Variants in IHO1 observed in about 807,000 individuals in gnomAD.
The protein encoded by IHO1 is interactor of HORMAD1 1, also known as interactor of HORMAD1 protein 1.
Under a neutral mutation model 31.0 loss-of-function variants are expected in IHO1, and 13 were observed. The ratio of observed to expected loss-of-function variants is 0.42; its 90% CI spans 0.27 to 0.67. The LOEUF (loss-of-function observed/expected upper bound fraction) is 0.67, where lower values mean the gene tolerates loss of function less well. Among genes scored for constraint, IHO1 ranks in the 30% least tolerant of loss-of-function variants. The probability of loss-of-function intolerance (pLI) is 0.24; values close to 1 mark genes in which losing one functional copy is unlikely to be tolerated. For missense variants in IHO1, 599 were observed against 687.5 expected, an observed-to-expected ratio of 0.87 and a Z score of 1.44; for synonymous variants, 221 against 248.4, an observed-to-expected ratio of 0.89 and a Z score of 1.04.
chr3:49,236,488 A>G, intron 2 of IHO1, 60 bp from the exon 3 acceptor site: 10 of 1,294,616 alleles, frequency 7.7e-6, no homozygotes, highest in East Asian at 2.3e-5. Context: ...GCTGTGAACT[A>G]TGATTTCATT....
chr3:49,211,638 G>A (rs2046217826), intron 1 of IHO1, 128 bp from the exon 2 acceptor site: 11 of 355,182 alleles, frequency 3.1e-5, no homozygotes, highest in South Asian at 4.2e-5. Flanking sequence ...AAAAAAAACA[G>A]AAATTTTCAC....
chr3:49,248,683 C>T (rs1049644242), intron 6 of IHO1, among the ~76,000 whole-genome samples: 4 of 150,350 alleles, frequency 2.7e-5, no homozygotes, highest in Non-Finnish European at 4.4e-5. Context: ...GCTGAGATTG[C>T]GCCATAGCAC....
intron 1 of IHO1, among the ~76,000 whole-genome samples, chr3:49,206,146 A>G (rs2046133725): frequency 6.6e-6 from 1 of 152,000 alleles, no homozygotes; most frequent in Admixed American, 6.6e-5. Flanking sequence ...TTGTATTTTT[A>G]GTAGAGACGG....
intron 4 of IHO1, 86 bp downstream of exon 4, chr3:49,241,475 T>G (rs1309237800): frequency 1.2e-5 from 16 of 1,313,620 alleles, no homozygotes; most frequent in Non-Finnish European, 1.7e-5. Context: ...ATAATTCAAT[T>G]TTAGCATAAT....
At chr3:49,208,882 T>C (rs1166925183) in intron 1 of IHO1, among the ~76,000 whole-genome samples, 1 of 152,216 alleles carries the variant, frequency 6.6e-6, no homozygotes, top group Non-Finnish European at 1.5e-5. Context: ...ACTTTTTATG[T>C]AAACCATTGG....
At chr3:49,206,688 C>A (rs936344423) in intron 1 of IHO1, among the ~76,000 whole-genome samples, 9 of 152,104 alleles carry the variant, frequency 5.9e-5, no homozygotes, top group African/African-American at 2.2e-4. Context: ...AGCTCAGGTC[C>A]CAGCTTCATT....
At position 49,253,039 on chromosome 3, in the gene IHO1, C is replaced by CA. The variant is rs756719889; in HGVS notation, c.533-2337dup. Among the ~76,000 whole-genome samples, 724 of 128,922 alleles carry CA rather than the reference C, an allele frequency of 5.6e-3. 5 individuals are homozygous for CA. Among genetic ancestry groups the CA allele is most frequent in the Middle Eastern group, 0.025 (6 of 244 alleles). The allele number at this position is 128,922 out of a possible 152,430, so 84.6% of individuals were successfully genotyped here. A position where few individuals can be genotyped will look rare whatever the true frequency, so the allele number is the denominator to read the frequency against. On this transcript the variant is annotated intron_variant, in intron 6 of 7. Coordinates refer to ENST00000452691, the MANE Select transcript of IHO1 (RefSeq NM_001135197.2). ...CTGGCAATAGAATGAGACTCAGTCTCAAAAAAAAAAAAAATCATGTAGGTA... is the reference window on the plus strand; with the variant it reads ...CTGGCAATAGAATGAGACTCAGTCTCAAAAAAAAAAAAAAATCATGTAGGTA...
chr3:49,231,077 G>C (rs2046476493), intron 2 of IHO1, among the ~76,000 whole-genome samples: 1 of 152,196 alleles, frequency 6.6e-6, no homozygotes, highest in Non-Finnish European at 1.5e-5. Flanking sequence ...GCAGGACTTA[G>C]TAGAATGGCT....
intron 1 of IHO1, among the ~76,000 whole-genome samples, chr3:49,200,763 C>T (rs563008011): frequency 1.3e-5 from 2 of 152,206 alleles, no homozygotes; most frequent in South Asian, 4.1e-4. Flanking sequence ...TTTCATTTAC[C>T]TTGGAATGAC....
At chr3:49,252,097 C>T (rs575577074) in intron 6 of IHO1, 1 of 153,470 alleles carries the variant, frequency 6.5e-6, no homozygotes, top group African/African-American at 2.4e-5. Context: ...TCCCAAAGTG[C>T]TGAGATTACA....
chr3:49,244,485 A>C (rs2046671611), intron 5 of IHO1, 33 bp downstream of exon 5: 1 of 1,441,820 alleles, frequency 6.9e-7, no homozygotes, highest in Non-Finnish European at 9.6e-7. Context: ...GAGTTAGAAC[A>C]TCTTATATTT....
At chr3:49,241,538 TACACAC>T (rs142564164) in intron 4 of IHO1, 149 bp downstream of exon 4, 134 of 478,538 alleles carry the variant, frequency 2.8e-4, no homozygotes, top group Non-Finnish European at 4.0e-4. Flanking sequence ...TACACACACA[TACACAC>T]ACACACACAC....
At chr3:49,225,591 T>G (rs1257239658) in intron 2 of IHO1, among the ~76,000 whole-genome samples, 1 of 152,238 alleles carries the variant, frequency 6.6e-6, no homozygotes, top group African/African-American at 2.4e-5. Flanking sequence ...GGGTAACTTA[T>G]TCCCCCATAT....
chr3:49,244,795 C>T (rs1164249847), intron 6 of IHO1, 62 bp downstream of exon 6: 5 of 1,431,818 alleles, frequency 3.5e-6, no homozygotes, highest in Non-Finnish European at 4.9e-6. Context: ...CATGAACTTT[C>T]TGACCCCAGC....
intron 1 of IHO1, among the ~76,000 whole-genome samples, chr3:49,208,430 G>C (rs2046168117): frequency 6.6e-6 from 1 of 152,186 alleles, no homozygotes; most frequent in Non-Finnish European, 1.5e-5. Flanking sequence ...GATCTAGGTT[G>C]TGCACTCCTT....
At chr3:49,232,487 G>A (rs1163425121) in intron 2 of IHO1, among the ~76,000 whole-genome samples, 1 of 152,210 alleles carries the variant, frequency 6.6e-6, no homozygotes, top group Non-Finnish European at 1.5e-5. Context: ...ACTTGGGGTA[G>A]TGGTTATGCT....
At chr3:49,234,162 GTTTTTTTTTTTT>G (rs56802492) in intron 2 of IHO1, among the ~76,000 whole-genome samples, 2 of 91,916 alleles carry the variant, frequency 2.2e-5, no homozygotes, top group South Asian at 8.7e-4. Flanking sequence ...TTTTGTTGTT[GTTTTTTTTTTTT>G]TTTTTTTTTT....
rs2046444856 is a variant in IHO1, at chr3:49,228,642, G to A, written c.57-7906G>A. On this transcript the variant is annotated intron_variant, in intron 2 of 7. Transcript: ENST00000452691. ...GTGTTACAGCTCTTAAAGATGGTAT[G>A]TCCGGAGTTTGTTCCTTCAGACGTT... 2.0e-5 allele frequency among the ~76,000 whole-genome samples: 3 copies of A among 152,132 alleles called. No individual in the cohort carries two copies. In the South Asian group the frequency reaches 6.2e-4, roughly 32 times the overall value.
rs867498126 is a variant in IHO1, at chr3:49,207,433, A to C, written c.-15-4333A>C. On this transcript the variant is annotated intron_variant, in intron 1 of 7. Transcript: ENST00000452691. ...GCTAATTTTTGTATTTTTAGTAGAG[A>C]CAGGATTTCACCATGTTGGCCTGGA... Among the ~76,000 whole-genome samples the C allele has an allele frequency of 5.9e-5, 9 of 151,730 alleles. 1 individual carries two copies. In the Middle Eastern group the frequency reaches 0.01, roughly 172 times the overall value.
Sources: allele counts gnomAD v4.1 joint callset (sites outside exome capture counted in the v4.1 genomes callset), GRCh38; gene constraint gnomAD v4.1.1; transcripts MANE v1.5; gene names NCBI Gene and HGNC (gene_info 2026-07-23, HGNC 2026-07-21).